SLC9A7: variants seen among roughly 807,000 people sequenced by gnomAD.
SLC9A7 encodes the protein solute carrier family 9 member A7.
A neutral mutation model predicts 52.6 loss-of-function variants in SLC9A7; 19 were observed. The ratio of observed to expected loss-of-function variants is 0.36; its 90% CI spans 0.25 to 0.53. SLC9A7 has a LOEUF of 0.53. SLC9A7 is among the 20% of genes least tolerant of loss of function. The pLI is 0.91. For missense variants in SLC9A7, 455 were observed against 597.9 expected, an observed-to-expected ratio of 0.76 and a Z score of 2.49; for synonymous variants, 226 against 252.1, an observed-to-expected ratio of 0.90 and a Z score of 0.98.
intron 1 of SLC9A7, among the ~76,000 whole-genome samples, chrX:46,707,404 G>T (rs1299132122): frequency 8.9e-6 from 1 of 111,780 alleles, no homozygotes; most frequent in Non-Finnish European, 1.9e-5. Flanking sequence ...ATCACTTGAG[G>T]CAAGGTGGCC....
chrX:46,741,627 A>G (rs1000804039), intron 1 of SLC9A7, among the ~76,000 whole-genome samples: 1 of 111,333 alleles, frequency 9.0e-6, no homozygotes, highest in African/African-American at 3.3e-5. Flanking sequence ...TAAACCTCAT[A>G]CCTTCTACAA....
At chrX:46,680,569 A>G (rs1453504511) in intron 2 of SLC9A7, among the ~76,000 whole-genome samples, 2 of 111,327 alleles carry the variant, frequency 1.8e-5, no homozygotes, top group Admixed American at 1.9e-4. Context: ...GCTCCTGAAC[A>G]TCAGCATAAA....
chrX:46,657,257 A>G (rs1251315603), intron 7 of SLC9A7, among the ~76,000 whole-genome samples: 7 of 111,193 alleles, frequency 6.3e-5, no homozygotes, highest in Non-Finnish European at 1.1e-4. Flanking sequence ...GGTACCAGCC[A>G]CTGCAAAATC....
chrX:46,648,913 G>C lies in SLC9A7; in HGVS notation c.1351-116C>G, dbSNP rs760130929. ...GTGACACCTCGTTATAGTCCAGAGAGCTGCCCAAAGAAGCTTGACTGTCTA... is the reference window on the plus strand; with the variant it reads ...GTGACACCTCGTTATAGTCCAGAGACCTGCCCAAAGAAGCTTGACTGTCTA... On this transcript the variant is annotated intron_variant, in intron 10 of 16. Transcript: ENST00000616978. 7 of 506,634 alleles carry C rather than the reference G, an allele frequency of 1.4e-5. No homozygotes were observed. The African/African-American group carries it at 1.4e-4, about 10-fold the overall frequency. The allele number at this position is 506,634 out of a possible 1,213,427, so 41.8% of individuals were successfully genotyped here.
intron 16 of SLC9A7, among the ~76,000 whole-genome samples, chrX:46,610,050 T>A (rs1177997050): frequency 9.0e-6 from 1 of 111,694 alleles, no homozygotes; most frequent in Non-Finnish European, 1.9e-5. Context: ...CCATGGAGAG[T>A]GATTCTGACA....
At chrX:46,711,798 C>A (rs1043371468) in intron 1 of SLC9A7, among the ~76,000 whole-genome samples, 1 of 108,251 alleles carries the variant, frequency 9.2e-6, no homozygotes. Context: ...TGCTCTACCA[C>A]CAAGAGGGTG....
At chrX:46,635,681 C>A in intron 12 of SLC9A7, 33 bp from the exon 13 acceptor site, 1 of 1,106,296 alleles carries the variant, frequency 9.0e-7, no homozygotes. Flanking sequence ...GTGAGTGTGA[C>A]AGGGACAACA....
chrX:46,733,842 T>C (rs1945081068), intron 1 of SLC9A7, among the ~76,000 whole-genome samples: 1 of 110,989 alleles, frequency 9.0e-6, no homozygotes, highest in African/African-American at 3.3e-5. Context: ...GAATCAAAAC[T>C]TTCATGAAAT....
intron 9 of SLC9A7, 28 bp from the exon 10 acceptor site, chrX:46,651,251 T>C (rs1943574648): frequency 8.5e-7 from 1 of 1,176,090 alleles, no homozygotes; most frequent in African/African-American, 1.8e-5. Context: ...AAGGAAGCTG[T>C]AACCCTGCAG....
At chrX:46,610,004 G>T (rs1345007378) in intron 16 of SLC9A7, among the ~76,000 whole-genome samples, 18 of 111,556 alleles carry the variant, frequency 1.6e-4, no homozygotes, top group Non-Finnish European at 3.8e-5. Context: ...CTGCAGCCTG[G>T]GCAAGAGAGC....
intron 1 of SLC9A7, among the ~76,000 whole-genome samples, chrX:46,696,088 C>A (rs1312070478): frequency 9.1e-6 from 1 of 110,363 alleles, no homozygotes; most frequent in African/African-American, 3.3e-5. Context: ...TGGGTTCAAG[C>A]GATCCTCCTG....
intron 1 of SLC9A7, among the ~76,000 whole-genome samples, chrX:46,698,460 A>G (rs747053185): frequency 6.8e-4 from 77 of 112,536 alleles, no homozygotes; most frequent in Admixed American, 2.5e-3. Flanking sequence ...GCCATTCCAC[A>G]GTGTATAGAT....
In SLC9A7 at chrX:46,601,843, C is replaced by T. The variant is rs1046665961; in HGVS notation, c.*5109G>A. The T allele has an allele frequency of 8.9e-6, 1 of 112,065 alleles. No homozygotes were observed. The highest frequency in any genetic ancestry group is 3.2e-5 in the African/African-American group (1 of 30,849). The allele number at this position is 112,065 out of a possible 1,213,427, so 9.2% of individuals were successfully genotyped here. On this transcript the variant is annotated 3_prime_UTR_variant, in exon 17 of 17. Transcript: ENST00000616978. ...TCATCTTCTCTCTGTCAGGGCTATACAAAAGTGTGCATCTCCTTAATTACC... is the reference window on the plus strand; with the variant it reads ...TCATCTTCTCTCTGTCAGGGCTATATAAAAGTGTGCATCTCCTTAATTACC...
chrX:46,716,163 C>T (rs976088370), intron 1 of SLC9A7, among the ~76,000 whole-genome samples: 12 of 111,007 alleles, frequency 1.1e-4, no homozygotes, highest in African/African-American at 3.9e-4. Flanking sequence ...GTGACTCAGA[C>T]CTGAGACTTC....
At chrX:46,641,584 T>C (rs1000942875) in intron 12 of SLC9A7, among the ~76,000 whole-genome samples, 2 of 112,130 alleles carry the variant, frequency 1.8e-5, no homozygotes, top group Admixed American at 1.9e-4. Flanking sequence ...TCTTATGTCT[T>C]AAGTTTAAAA....
chrX:46,717,418 G>A (rs766370604), intron 1 of SLC9A7, among the ~76,000 whole-genome samples: 1 of 111,889 alleles, frequency 8.9e-6, no homozygotes, highest in Non-Finnish European at 1.9e-5. Flanking sequence ...TCTGCTCTGT[G>A]GCCCAGGCTG....
chrX:46,652,220 G>A (rs998280819), intron 8 of SLC9A7, among the ~76,000 whole-genome samples: 3 of 110,518 alleles, frequency 2.7e-5, no homozygotes, highest in African/African-American at 6.6e-5. Context: ...GCATGATCTC[G>A]GCTCACTGCA....
At chrX:46,740,864 T>C (rs1006419403) in intron 1 of SLC9A7, among the ~76,000 whole-genome samples, 7 of 105,821 alleles carry the variant, frequency 6.6e-5, no homozygotes, top group African/African-American at 2.4e-4. Flanking sequence ...AAAACTGTCC[T>C]TATTCACAGA....
intron 14 of SLC9A7, 61 bp from the exon 15 acceptor site, chrX:46,621,120 A>C: frequency 1.3e-6 from 1 of 764,135 alleles, no homozygotes; most frequent in South Asian, 2.4e-5. Context: ...AGAAAGGGGA[A>C]AAAAAACCTT....
Sources: allele counts gnomAD v4.1 joint callset (sites outside exome capture counted in the v4.1 genomes callset), GRCh38; gene constraint gnomAD v4.1.1; transcripts MANE v1.5; gene names NCBI Gene and HGNC (gene_info 2026-07-23, HGNC 2026-07-21).